The following PCDHGC5 variants were observed in gnomAD, a reference collection of about 807,000 sequenced individuals.
The protein encoded by PCDHGC5 is protocadherin gamma subfamily C, 5.
Under a neutral mutation model 59.0 loss-of-function variants are expected in PCDHGC5, and 25 were observed. The ratio of observed to expected loss-of-function variants is 0.42; its 90% confidence interval spans 0.31 to 0.59. The LOEUF is 0.59. Ranked by LOEUF, PCDHGC5 falls within the 20% of genes least tolerant of loss-of-function variation. The pLI is 0.13. For synonymous variants in PCDHGC5, 434 were observed against 505.5 expected, an observed-to-expected ratio of 0.86 and a Z score of 1.90; for missense variants, 1,067 against 1,206.4, an observed-to-expected ratio of 0.88 and a Z score of 1.71.
chr5:141,491,454 C>G lies in PCDHGC5; in HGVS notation c.2214C>G (p.Ser738=). ...GCTGCAGGCGCCAGGACTCACCCTCCCCGGACTTCTATAAGCAGTCCAGCC... is the reference window on the plus strand; with the variant it reads ...GCTGCAGGCGCCAGGACTCACCCTCGCCGGACTTCTATAAGCAGTCCAGCC... ...GQCCRRQDSP[S]PDFYKQSSPN... Residue 738 remains serine, a synonymous_variant, in exon 1 of 4, where the codon TCC becomes TCG. Coordinates refer to ENST00000252087, the MANE Select transcript of PCDHGC5 (RefSeq NM_018929.3). This position sits in a 1 kb window ranked among gnomAD's most constrained non-coding sequence, Gnocchi z 6.9. The G allele has an allele frequency of 6.2e-7, 1 of 1,614,120 alleles. No individual in the cohort carries two copies. Among genetic ancestry groups the G allele is most frequent in the Non-Finnish European group, 8.5e-7 (1 of 1,180,032 alleles).
chr5:141,507,559 G>T (rs542787142), intron 3 of PCDHGC5, among the ~76,000 whole-genome samples: 1 of 152,368 alleles, frequency 6.6e-6, no homozygotes, highest in African/African-American at 2.4e-5. Flanking sequence ...GTGGCAGGCG[G>T]CTGGGTCTGA....
At chr5:141,510,366 T>A (rs1452829030) in intron 3 of PCDHGC5, among the ~76,000 whole-genome samples, 1 of 140,062 alleles carries the variant, frequency 7.1e-6, no homozygotes, top group Non-Finnish European at 1.6e-5. Context: ...AACTACCGAA[T>A]CTCTACTCGT....
At chr5:141,495,392 G>A (rs2099760968) in intron 2 of PCDHGC5, among the ~76,000 whole-genome samples, 2 of 152,186 alleles carry the variant, frequency 1.3e-5, no homozygotes, top group Non-Finnish European at 2.9e-5. Context: ...GGCGGGGCAT[G>A]GAGCAGGCCC....
rs368105487 is a variant in PCDHGC5 at position 141,489,478 on chromosome 5, A to G, written c.238A>G (p.Met80Val). The change falls in exon 1 of 4, where the codon ATG becomes GTG. Residue 80 changes from methionine to valine, a missense_variant. Transcript: ENST00000252087. This position sits in a 1 kb window ranked among gnomAD's most constrained non-coding sequence, Gnocchi z 4.5. Reference protein sequence around the residue: ...ENGRYFSLSLMSGALAVNQKI... With the variant: ...ENGRYFSLSLVSGALAVNQKI... Reference sequence around the variant, plus strand: ...TGGGCGCTATTTTTCCCTGAGCTTGATGAGTGGTGCCCTGGCAGTGAATCA... The same window carrying G: ...TGGGCGCTATTTTTCCCTGAGCTTGGTGAGTGGTGCCCTGGCAGTGAATCA... The G allele has an allele frequency of 1.1e-5, 18 of 1,613,956 alleles. No individual in the cohort carries two copies. The highest frequency in any genetic ancestry group is 1.5e-5 in the Non-Finnish European group (18 of 1,180,030).
Position 141,490,148 on chromosome 5 carries a change from A to T in PCDHGC5, c.908A>T (p.His303Leu). Residue 303 changes from histidine to leucine, a missense_variant, in exon 1 of 4, where the codon CAT (histidine) becomes CTT (leucine). By Grantham distance (99) the His-to-Leu change is moderately conservative. Transcript: ENST00000252087. This position sits in a 1 kb window ranked among gnomAD's most constrained non-coding sequence, Gnocchi z 5.4. ...FGLDPSSGAI[H>L]VLGPIDFEES... The stretch of plus-strand genomic sequence containing the variant: ...CTAGACCCTAGCAGTGGGGCAATCC[A>T]TGTGTTGGGTCCCATAGACTTTGAG... The T allele has an allele frequency of 6.2e-7, 1 of 1,614,232 alleles. No homozygotes were observed. The highest frequency in any genetic ancestry group is 1.3e-5 in the African/African-American group (1 of 75,068).
chr5:141,494,756 A>G (rs780402065), intron 1 of PCDHGC5, 51 bp from the exon 2 acceptor site: 2 of 1,613,460 alleles, frequency 1.2e-6, no homozygotes, highest in South Asian at 1.1e-5. Context: ...CTCGGGTGAC[A>G]TTCTAACTTC....
At chr5:141,508,483 G>T (rs1186425031) in intron 3 of PCDHGC5, among the ~76,000 whole-genome samples, 2 of 152,154 alleles carry the variant, frequency 1.3e-5, no homozygotes, top group East Asian at 3.9e-4. Context: ...TTACATTCTG[G>T]ATTTCCATAT....
rs1036281905 is a variant in PCDHGC5 at position 141,493,555 on chromosome 5, T to A, written c.2461-1252T>A. Among the ~76,000 whole-genome samples, 3 of 152,012 alleles carry A rather than the reference T, an allele frequency of 2.0e-5. No individual in the cohort carries two copies. ...GCCAGTTATCCTTTTGGAGATTGAG[T>A]TCCCCCAGCTCCGTTTCCTCCTATC... On this transcript the variant is annotated intron_variant, in intron 1 of 3. Transcript: ENST00000252087. The surrounding 1 kb of genome is among the most constrained non-coding windows in gnomAD (Gnocchi z 4.3).
At position 141,490,207 on chromosome 5, in the gene PCDHGC5, C is replaced by G. The variant is rs142098675; in HGVS notation, c.967C>G (p.Arg323Gly). ...TTTCTATGAAATTCATGCAAGAGCC[C>G]GTGACCAGGGACAGCCTGCCATGGA... ...SRFYEIHARA[R>G]DQGQPAMEGH... The change falls in exon 1 of 4, where the codon CGT becomes GGT. Residue 323 changes from arginine to glycine, a missense_variant. Arg to Gly is a moderately radical substitution (Grantham distance 125, BLOSUM62 -2). Coordinates refer to ENST00000252087, the MANE Select transcript of PCDHGC5 (RefSeq NM_018929.3). This position sits in a 1 kb window ranked among gnomAD's most constrained non-coding sequence, Gnocchi z 5.4. 2.9e-4 allele frequency: 470 copies of G among 1,614,056 alleles called. 1 individual carries two copies. Among genetic ancestry groups the G allele is most frequent in the Non-Finnish European group, 3.7e-4 (439 of 1,180,030 alleles).
chr5:141,493,440 G>A lies in PCDHGC5; in HGVS notation c.2461-1367G>A, dbSNP rs2099748297. The stretch of plus-strand genomic sequence containing the variant: ...TTTTGCTTCTGCTGGGATGGGGCAA[G>A]GGTGGGGTTCCTTCCCTTTTAGGAC... On this transcript the variant is annotated intron_variant, in intron 1 of 3. Coordinates refer to ENST00000252087, the MANE Select transcript of PCDHGC5 (RefSeq NM_018929.3). The surrounding 1 kb of genome is among the most constrained non-coding windows in gnomAD (Gnocchi z 4.3). Among the ~76,000 whole-genome samples, 1 of 152,208 alleles carries A rather than the reference G, an allele frequency of 6.6e-6. No homozygotes were observed. Among genetic ancestry groups the A allele is most frequent in the African/African-American group, 2.4e-5 (1 of 41,450 alleles).
Position 141,490,413 on chromosome 5 carries a change from G to A in PCDHGC5, c.1173G>A (p.Pro391=), listed in dbSNP as rs2233606. The change falls in exon 1 of 4, where the codon CCG becomes CCA. Residue 391 remains proline (P), a synonymous_variant. Transcript: ENST00000252087. The surrounding 1 kb of genome is among the most constrained non-coding windows in gnomAD (Gnocchi z 5.4). The part of the protein sequence containing the change: ...RNGEVSLDIS[P]DLPFQIKPSE... ...GTGAAGTGAGCCTTGATATCTCTCC[G>A]GACCTGCCATTTCAGATTAAGCCTT... 2.3e-3 allele frequency: 3,787 copies of A among 1,614,128 alleles called. 38 individuals are homozygous for A. In the African/African-American group the frequency reaches 0.027, roughly 12 times the overall value.
chr5:141,508,077 G>T (rs1166570509), intron 3 of PCDHGC5: 1 of 152,446 alleles, frequency 6.6e-6, no homozygotes, highest in Non-Finnish European at 1.5e-5. Context: ...GGCTACTCTG[G>T]AGTTGCTGCC....
Position 141,511,267 on chromosome 5 carries a change from C to T in PCDHGC5, c.*94C>T, listed in dbSNP as rs1223074819. 1.3e-6 allele frequency: 2 copies of T among 1,549,404 alleles called. No homozygotes were observed. Among genetic ancestry groups the T allele is most frequent in the Non-Finnish European group, 1.7e-6 (2 of 1,146,836 alleles). On this transcript the variant is annotated 3_prime_UTR_variant, in exon 4 of 4. Transcript: ENST00000252087. ...CCAGGCCTCAGAGTTTCAGGGCTAA[C>T]CCCCAGAATACTGGTAGGGGCCAAG...
chr5:141,494,251 G>C (rs961451413), intron 1 of PCDHGC5, among the ~76,000 whole-genome samples: 2 of 152,214 alleles, frequency 1.3e-5, no homozygotes, highest in African/African-American at 4.8e-5. Context: ...TTAGCTGTGG[G>C]AAGAGATTCT....
At chr5:141,506,382 G>T (rs1311307230) in intron 3 of PCDHGC5, among the ~76,000 whole-genome samples, 1 of 151,500 alleles carries the variant, frequency 6.6e-6, no homozygotes, top group East Asian at 1.9e-4. Flanking sequence ...CTGGGAGGTG[G>T]CTGTGGTGAG....
chr5:141,507,263 T>C (rs755395344), intron 3 of PCDHGC5: 1 of 152,038 alleles, frequency 6.6e-6, no homozygotes, highest in Non-Finnish European at 1.5e-5. Flanking sequence ...AAACAGCAAG[T>C]ACTATTTCAG....
intron 3 of PCDHGC5, among the ~76,000 whole-genome samples, chr5:141,510,657 G>A (rs1388054630): frequency 6.6e-6 from 1 of 152,156 alleles, no homozygotes; most frequent in Non-Finnish European, 1.5e-5. Context: ...CCATTTTGCA[G>A]ATGAGAAAAC....
In PCDHGC5 at chr5:141,490,296, G is replaced by T; in HGVS notation, c.1056G>T (p.Leu352Phe). ...DVNDNAPEVL[L>F]ASLANPVLES... The stretch of plus-strand genomic sequence containing the variant: ...ATGACAATGCCCCAGAGGTGCTATT[G>T]GCCTCTTTGGCCAACCCTGTCCTAG... Residue 352 changes from leucine to phenylalanine, a missense_variant, in exon 1 of 4, where the codon TTG becomes TTT. Coordinates refer to ENST00000252087, the MANE Select transcript of PCDHGC5 (RefSeq NM_018929.3). This position sits in a 1 kb window ranked among gnomAD's most constrained non-coding sequence, Gnocchi z 5.4. 6.2e-7 allele frequency: 1 copy of T among 1,614,184 alleles called. No homozygotes were observed. Among genetic ancestry groups the T allele is most frequent in the South Asian group, 1.1e-5 (1 of 91,084 alleles).
chr5:141,492,220 C>T (rs1388948434), intron 1 of PCDHGC5, among the ~76,000 whole-genome samples: 2 of 152,190 alleles, frequency 1.3e-5, no homozygotes, highest in Non-Finnish European at 1.5e-5. Context: ...GGGGCTCATG[C>T]GTGTCCTCCC....
Sources: gnomAD v4.1 joint callset for allele counts (sites outside exome capture counted in the v4.1 genomes callset) on GRCh38, gnomAD v4.1.1 for gene constraint, Gnocchi (gnomAD v3.1) non-coding constraint, MANE v1.5 for transcripts, NCBI Gene and HGNC (gene_info 2026-07-23, HGNC 2026-07-21) for gene names.